ZNF717: variants seen among roughly 807,000 people sequenced by gnomAD.
ZNF717 encodes the protein zinc finger protein 717.
Under a neutral mutation model 13.8 loss-of-function variants are expected in ZNF717, and 9 were observed. That is an observed-to-expected ratio of 0.65 (90% CI 0.39 to 1.14). The LOEUF (loss-of-function observed/expected upper bound fraction) is 1.14. Ranked by LOEUF, ZNF717 falls within the 50% of genes most tolerant of loss-of-function variation. The pLI is 0.01. For synonymous variants in ZNF717, 327 were observed against 364.1 expected, an observed-to-expected ratio of 0.90 and a Z score of 1.16; for missense variants, 1,040 against 1,080.7, an observed-to-expected ratio of 0.96 and a Z score of 0.53.
At chr3:75,783,085 T>C (rs1944929057) in intron 2 of ZNF717, among the ~76,000 whole-genome samples, 1 of 152,264 alleles carries the variant, frequency 6.6e-6, no homozygotes. Flanking sequence ...ACTGACTTTT[T>C]TGTCACTGCA....
Position 75,737,296 on chromosome 3 carries a change from T to C in ZNF717, c.2327A>G (p.His776Arg), listed in dbSNP as rs1939435134. The C allele has an allele frequency of 4.5e-6, 7 of 1,552,990 alleles. No homozygotes were observed. Among genetic ancestry groups the C allele is most frequent in the East Asian group, 2.4e-5 (1 of 40,938 alleles). ...TTTCTCTCCTGAGTGAGTCCCCTGA[T>C]GCGTACTGAGGTTTGACTTGTGACA... ...TFCHKSNLST[H>R]QGTHSGEKPY... Residue 776 changes from histidine to arginine, a missense_variant, in exon 5 of 5, where the codon CAT becomes CGT. By Grantham distance (29) the His-to-Arg change is conservative. This residue lies in a region of ZNF717 where 873 missense variants were observed against 832.8 expected (regional missense o/e 1.05). Coordinates refer to ENST00000652011, the MANE Select transcript of ZNF717 (RefSeq NM_001290208.3).
chr3:75,748,992 A>G (rs2918504), intron 2 of ZNF717, among the ~76,000 whole-genome samples: 126,674 of 151,740 alleles, frequency 0.83, 52,824 homozygotes, highest in East Asian at 0.89. Context: ...TAGGATTTCA[A>G]AACACTGCTG....
At chr3:75,744,365 C>T (rs531160326) in intron 2 of ZNF717, among the ~76,000 whole-genome samples, 2 of 152,320 alleles carry the variant, frequency 1.3e-5, no homozygotes, top group Non-Finnish European at 2.9e-5. Flanking sequence ...ATTAATATGA[C>T]ACAATTAATC....
intron 2 of ZNF717, among the ~76,000 whole-genome samples, chr3:75,778,831 G>A (rs1286144331): frequency 1.4e-5 from 2 of 139,712 alleles, no homozygotes; most frequent in African/African-American, 2.9e-5. Flanking sequence ...AAAATAATGG[G>A]AGTGAGGTGC....
chr3:75,783,449 A>G, intron 1 of ZNF717, 85 bp from the exon 2 acceptor site: 3 of 1,078,586 alleles, frequency 2.8e-6, no homozygotes, highest in Non-Finnish European at 4.0e-6. Context: ...CTCTAGACAC[A>G]TTACCTGGAA....
Position 75,737,414 on chromosome 3 carries a change from C to T in ZNF717, c.2209G>A (p.Glu737Lys), listed in dbSNP as rs1224942597. The T allele has an allele frequency of 5.8e-6, 9 of 1,553,912 alleles. No individual in the cohort carries two copies. The highest frequency in any genetic ancestry group is 7.8e-6 in the Non-Finnish European group (9 of 1,148,440). The change falls in exon 5 of 5, where the codon GAA (glutamate) becomes AAA (lysine). Residue 737 changes from glutamate to lysine, a missense_variant. Coordinates refer to ENST00000652011, the MANE Select transcript of ZNF717 (RefSeq NM_001290208.3). ...GRNPMNVANV[E>K]KPCQKSVLTV... The stretch of plus-strand genomic sequence containing the variant: ...AGGACTGACTTCTGACAAGGTTTTT[C>T]CACATTTGCTACATTCATAGGGTTT...
chr3:75,712,278 C>T (rs545554081), intron 5 of ZNF717, among the ~76,000 whole-genome samples: 24 of 152,358 alleles, frequency 1.6e-4, no homozygotes, highest in African/African-American at 5.8e-4. Context: ...TAGAAGATGG[C>T]TGTTAAGGGA....
At position 75,770,156 on chromosome 3, in the gene ZNF717, C is replaced by T. The variant is rs952446942; in HGVS notation, c.57+13150G>A. 7.5e-4 allele frequency among the ~76,000 whole-genome samples: 114 copies of T among 152,202 alleles called. 2 individuals are homozygous for T. Among genetic ancestry groups the T allele is most frequent in the Non-Finnish European group, 4.1e-4 (28 of 68,034 alleles). ...ACTGAACCTCACCACCCCACAAACA[C>T]CCCCTTCAGGTTTTGCCAAGAATGA... is the stretch of plus-strand genomic sequence containing the variant. On this transcript the variant is annotated intron_variant, in intron 2 of 4. Coordinates refer to ENST00000652011, the MANE Select transcript of ZNF717 (RefSeq NM_001290208.3).
In ZNF717 at chr3:75,737,548, TATA is replaced by T. The variant is rs1410751475; in HGVS notation, c.2072_2074del (p.Leu691del). ...TTTCCCCGGTGTGAGTTCTCTGATG[TATA>T]ATAAGGTATGATTTCTGACAAAAAG... On this transcript the variant is annotated inframe_deletion, in exon 5 of 5. Coordinates refer to ENST00000652011, the MANE Select transcript of ZNF717 (RefSeq NM_001290208.3). 62 of 1,551,918 alleles carry T rather than the reference TATA, an allele frequency of 4.0e-5. No individual in the cohort carries two copies. In the African/African-American group the frequency reaches 7.1e-4, roughly 18 times the overall value.
chr3:75,720,769 G>C (rs1938152514), intron 4 of ZNF717, among the ~76,000 whole-genome samples: 1 of 152,170 alleles, frequency 6.6e-6, no homozygotes, highest in South Asian at 2.1e-4. Flanking sequence ...GATCACTTGA[G>C]GCCAGGAGTT....
At position 75,737,537 on chromosome 3, in the gene ZNF717, G is replaced by T. The variant is rs1428621717; in HGVS notation, c.2086C>A (p.Leu696Ile). 1 of 1,553,108 alleles carries T rather than the reference G, an allele frequency of 6.4e-7. No individual in the cohort carries two copies. Residue 696 changes from leucine to isoleucine, a missense_variant, in exon 5 of 5, where the codon CTC becomes ATC. By Grantham distance (5) the Leu-to-Ile change is conservative. Around this residue, in one of 3 missense-constraint regions of ZNF717, gnomAD observed 873 missense variants for 832.8 expected, o/e 1.05. Transcript: ENST00000652011. ...TTCATAGGGCTTTTCCCCGGTGTGAGTTCTCTGATGTATAATAAGGTATGA... is the reference window on the plus strand; with the variant it reads ...TTCATAGGGCTTTTCCCCGGTGTGATTTCTCTGATGTATAATAAGGTATGA... ...RNHTLLYIRE[L>I]TPGKSPMNVM...
chr3:75,758,901 T>A (rs1942728495), intron 2 of ZNF717, among the ~76,000 whole-genome samples: 1 of 150,942 alleles, frequency 6.6e-6, no homozygotes, highest in African/African-American at 2.4e-5. Context: ...TAGTCAGGAG[T>A]CTGAGGTGGG....
At chr3:75,731,684 A>G (rs1482974732), downstream of ZNF717, among the ~76,000 whole-genome samples, 6 of 152,242 alleles carry the variant, frequency 3.9e-5, no homozygotes, top group African/African-American at 1.4e-4. Flanking sequence ...AGGCCAAAGC[A>G]GGAGGATCCC....
At chr3:75,772,004 C>T (rs1314459997) in intron 2 of ZNF717, among the ~76,000 whole-genome samples, 3 of 152,248 alleles carry the variant, frequency 2.0e-5, no homozygotes, top group African/African-American at 2.4e-5. Context: ...CCTGTCACCT[C>T]GCCCCCCTCC....
At chr3:75,706,800 T>C (rs1937811823), downstream of ZNF717, among the ~76,000 whole-genome samples, 1 of 152,278 alleles carries the variant, frequency 6.6e-6, no homozygotes, top group African/African-American at 2.4e-5. Context: ...TCATATTAGG[T>C]ATGGGAGCAG....
intron 2 of ZNF717, among the ~76,000 whole-genome samples, chr3:75,782,116 G>C (rs867860534): frequency 6.6e-6 from 1 of 152,114 alleles, no homozygotes; most frequent in African/African-American, 2.4e-5. Context: ...GCTCGGATAC[G>C]ACAGTTTCAA....
chr3:75,776,814 A>G (rs573362224), intron 2 of ZNF717, among the ~76,000 whole-genome samples: 56 of 150,220 alleles, frequency 3.7e-4, no homozygotes, highest in African/African-American at 1.2e-3. Flanking sequence ...CTATCATGAG[A>G]CTCTTAAGTA....
downstream of ZNF717, among the ~76,000 whole-genome samples, chr3:75,708,092 G>C (rs1937842051): frequency 6.6e-6 from 1 of 152,226 alleles, no homozygotes; most frequent in Non-Finnish European, 1.5e-5. Context: ...TGACAGCTTT[G>C]AAGAGAGCAG....
In ZNF717 at chr3:75,699,650, C is replaced by T. The variant is rs1264313286; in HGVS notation, n.1085+11537G>A. 4.5e-3 allele frequency among the ~76,000 whole-genome samples: 655 copies of T among 144,946 alleles called. No homozygotes were observed. The South Asian group carries it at 0.053, about 12-fold the overall frequency. On this transcript the variant is annotated intron_variant and non_coding_transcript_variant, in intron 6 of 6. Transcript: ENST00000648506. ...GCTTCCCCAGAAGCAGAAGCCAGTG[C>T]TATGCTTTCTGTATACCCTGTAGAA...
Sources: gnomAD v4.1 joint callset for allele counts (sites outside exome capture counted in the v4.1 genomes callset) on GRCh38, gnomAD v4.1.1 for gene constraint, gnomAD v4.1.1 regional missense constraint, MANE v1.5 for transcripts, NCBI Gene and HGNC (gene_info 2026-07-23, HGNC 2026-07-21) for gene names.